The following CCNF variants were observed in gnomAD, a reference collection of about 807,000 sequenced individuals.
CCNF encodes cyclin F, also known as cyclin-F.
CCNF carries 30 observed loss-of-function variants against 85.4 expected under a neutral mutation model. The ratio of observed to expected loss-of-function variants is 0.35; its 90% CI spans 0.26 to 0.48. CCNF has a LOEUF of 0.48. CCNF is among the 20% of genes least tolerant of loss of function. The probability of loss-of-function intolerance (pLI) is 0.99; values close to 1 mark genes in which losing one functional copy is unlikely to be tolerated. For missense variants in CCNF, 919 were observed against 1,010.4 expected, an observed-to-expected ratio of 0.91 and a Z score of 1.23; for synonymous variants, 439 against 425.1, an observed-to-expected ratio of 1.03 and a Z score of -0.40.
chr16:2,432,893 G>C, intron 2 of CCNF, 68 bp from the exon 3 acceptor site: 2 of 906,662 alleles, frequency 2.2e-6, no homozygotes, highest in Non-Finnish European at 3.5e-6. Flanking sequence ...TCGTCCTCAA[G>C]AGCCTCCAGG....
Position 2,457,743 on chromosome 16 carries a change from C to T in CCNF, c.*723C>T, listed in dbSNP as rs998014429. 1.3e-5 allele frequency: 2 copies of T among 152,204 alleles called. No homozygotes were observed. Among genetic ancestry groups the T allele is most frequent in the Non-Finnish European group, 2.9e-5 (2 of 68,038 alleles). 9.4% of individuals were successfully genotyped at this position (152,204 alleles called of 1,614,324 possible). On this transcript the variant is annotated 3_prime_UTR_variant, in exon 17 of 17. Coordinates refer to ENST00000397066, the MANE Select transcript of CCNF (RefSeq NM_001761.3). ...TTTTCCTGTCTTATTTCTAAATTTC[C>T]TTCTTCCAAGATGAAAACAAAAGAA...
chr16:2,453,024 T>G lies in CCNF; in HGVS notation c.1488-186T>G, dbSNP rs1340311016. 9.8e-6 allele frequency: 6 copies of G among 610,024 alleles called. No individual in the cohort carries two copies. The African/African-American group carries it at 1.1e-4, about 11-fold the overall frequency. The allele number at this position is 610,024 out of a possible 1,614,324, so 37.8% of individuals were successfully genotyped here. On this transcript the variant is annotated intron_variant, in intron 13 of 16. Transcript: ENST00000397066. This position sits in a 1 kb window ranked among gnomAD's most constrained non-coding sequence, Gnocchi z 5.6. ...TGTGGACATAGTTTTTCCTTTTTCC[T>G]GGGTCTTTACCTAGAGAGGAATTGC... is the stretch of plus-strand genomic sequence containing the variant.
At chr16:2,455,319 G>A in intron 15 of CCNF, 76 bp from the exon 16 acceptor site, 1 of 1,469,462 alleles carries the variant, frequency 6.8e-7, no homozygotes, top group South Asian at 1.5e-5. Context: ...GCGGGTGTTA[G>A]AGGCAGGTGT....
In CCNF at chr16:2,451,560, T is replaced by C. The variant is rs2141828803; in HGVS notation, c.1487+1645T>C. Reference sequence around the variant, plus strand: ...GCCAAATCCAGCAGACTCAGCGGTGTGGGCTTTTTTTTCCTTTTTTGAGTT... The same window carrying C: ...GCCAAATCCAGCAGACTCAGCGGTGCGGGCTTTTTTTTCCTTTTTTGAGTT... On this transcript the variant is annotated intron_variant, in intron 13 of 16. Transcript: ENST00000397066. This position sits in a 1 kb window ranked among gnomAD's most constrained non-coding sequence, Gnocchi z 4.3. Among the ~76,000 whole-genome samples, 1 of 152,272 alleles carries C rather than the reference T, an allele frequency of 6.6e-6. No homozygotes were observed. Among genetic ancestry groups the C allele is most frequent in the East Asian group, 1.9e-4 (1 of 5,176 alleles).
At chr16:2,441,874 C>G (rs2065322782) in intron 8 of CCNF, among the ~76,000 whole-genome samples, 1 of 142,158 alleles carries the variant, frequency 7.0e-6, no homozygotes. Flanking sequence ...AATGTTCAAC[C>G]TTACTACTAG....
rs1221346188 is a variant in CCNF, at chr16:2,439,575, C to G, written c.699+118C>G. ...AGGTGGCTCTTGCTGCTCCCGGTCTCTCAGCCTCCGGGAACCACTGGTCAG... is the reference window on the plus strand; with the variant it reads ...AGGTGGCTCTTGCTGCTCCCGGTCTGTCAGCCTCCGGGAACCACTGGTCAG... On this transcript the variant is annotated intron_variant, in intron 7 of 16. Coordinates refer to ENST00000397066, the MANE Select transcript of CCNF (RefSeq NM_001761.3). 5.4e-6 allele frequency: 5 copies of G among 925,132 alleles called. No individual in the cohort carries two copies. In the East Asian group the frequency reaches 1.3e-4, roughly 24 times the overall value. 57.3% of individuals were successfully genotyped at this position (925,132 alleles called of 1,614,324 possible).
At chr16:2,455,311 G>T in intron 15 of CCNF, 84 bp from the exon 16 acceptor site, 1 of 1,455,974 alleles carries the variant, frequency 6.9e-7, no homozygotes, top group Non-Finnish European at 9.1e-7. Context: ...TGGGGCACGC[G>T]GGTGTTAGAG....
At position 2,456,865 on chromosome 16, in the gene CCNF, A is replaced by C; in HGVS notation, c.2206A>C (p.Thr736Pro). Residue 736 changes from threonine to proline, a missense_variant, in exon 17 of 17, where the codon ACA becomes CCA. By Grantham distance (38) the Thr-to-Pro change is conservative. Around this residue, in one of 3 missense-constraint regions of CCNF, gnomAD observed 505 missense variants for 514.8 expected, o/e 0.98. Coordinates refer to ENST00000397066, the MANE Select transcript of CCNF (RefSeq NM_001761.3). The surrounding 1 kb of genome is among the most constrained non-coding windows in gnomAD (Gnocchi z 4.5). ...SVLSLDSDSH[T>P]QPCHHQARKS... Reference sequence around the variant, plus strand: ...GCTGTCCCTGGACAGTGACTCGCACACACAGCCCTGCCACCATCAGGCCAG... The same window carrying C: ...GCTGTCCCTGGACAGTGACTCGCACCCACAGCCCTGCCACCATCAGGCCAG... 5 of 1,614,098 alleles carry C rather than the reference A, an allele frequency of 3.1e-6. No homozygotes were observed. Among genetic ancestry groups the C allele is most frequent in the Non-Finnish European group, 4.2e-6 (5 of 1,180,038 alleles).
chr16:2,431,679 CAAAAA>C (rs553578806), intron 2 of CCNF, among the ~76,000 whole-genome samples: 1 of 72,954 alleles, frequency 1.4e-5, no homozygotes, highest in Non-Finnish European at 2.6e-5. Flanking sequence ...GACTCTGTCT[CAAAAA>C]AAAAAAAAAA....
Position 2,437,306 on chromosome 16 carries a change from A to C in CCNF, c.524A>C (p.Glu175Ala), listed in dbSNP as rs908880888. The C allele has an allele frequency of 3.8e-6, 6 of 1,594,222 alleles. No individual in the cohort carries two copies. In the Admixed American group the frequency reaches 5.1e-5, roughly 13 times the overall value. ...GTGGTTCACGAGAGCCTCAGGGCAGAGTGCCAGCTGCAGAGGGTGAGTCTG... is the reference window on the plus strand; with the variant it reads ...GTGGTTCACGAGAGCCTCAGGGCAGCGTGCCAGCTGCAGAGGGTGAGTCTG... ...KAVVHESLRA[E>A]CQLQRTHKAS... Residue 175 changes from glutamate (E) to alanine (A), a missense_variant, in exon 5 of 17, where the codon GAG becomes GCG. By Grantham distance (107) the Glu-to-Ala change is moderately radical (BLOSUM62 -1). This residue lies in a region of CCNF where 410 missense variants were observed against 478.6 expected (regional missense o/e 0.86). Transcript: ENST00000397066.
intron 10 of CCNF, among the ~76,000 whole-genome samples, chr16:2,448,115 G>A (rs931544527): frequency 7.2e-5 from 11 of 152,190 alleles, no homozygotes; most frequent in East Asian, 1.9e-4. Context: ...GGATTCCTGC[G>A]GCCACACAGT....
chr16:2,436,017 C>T (rs1413902068), intron 4 of CCNF, 144 bp downstream of exon 4: 4 of 559,264 alleles, frequency 7.2e-6, no homozygotes, highest in South Asian at 4.9e-5. Context: ...CTCAGGAGCT[C>T]GTGCCCAGAT....
intron 8 of CCNF, among the ~76,000 whole-genome samples, chr16:2,440,361 G>A (rs1002388417): frequency 4.6e-5 from 7 of 152,202 alleles, no homozygotes; most frequent in African/African-American, 1.7e-4. Context: ...GCTCACGCCT[G>A]AAATCCCAGC....
rs549639368 is a variant in CCNF at position 2,451,553 on chromosome 16, A to G, written c.1487+1638A>G. 2.0e-4 allele frequency among the ~76,000 whole-genome samples: 31 copies of G among 152,252 alleles called. No individual in the cohort carries two copies. The South Asian group carries it at 5.6e-3, about 27-fold the overall frequency. ...TTCCTCAGCCAAATCCAGCAGACTC[A>G]GCGGTGTGGGCTTTTTTTTCCTTTT... On this transcript the variant is annotated intron_variant, in intron 13 of 16. Transcript: ENST00000397066. This position sits in a 1 kb window ranked among gnomAD's most constrained non-coding sequence, Gnocchi z 4.3.
intron 16 of CCNF, 34 bp downstream of exon 16, chr16:2,455,598 A>T (rs753161623): frequency 6.4e-7 from 1 of 1,570,462 alleles, no homozygotes; most frequent in Non-Finnish European, 8.7e-7. Flanking sequence ...CAGAAGGGAC[A>T]TCACACAGAG....
At chr16:2,438,642 GAA>G (rs932243743) in intron 6 of CCNF, among the ~76,000 whole-genome samples, 2 of 114,188 alleles carry the variant, frequency 1.8e-5, no homozygotes, top group African/African-American at 3.3e-5. Context: ...CTCAGTCTCA[GAA>G]AAAAAAAAAA....
At chr16:2,431,000 T>TTG (rs1383230237) in intron 1 of CCNF, 130 bp from the exon 2 acceptor site, 3 of 974,706 alleles carry the variant, frequency 3.1e-6, no homozygotes, top group Non-Finnish European at 5.0e-6. Flanking sequence ...GTTCCATCTT[T>TTG]TGTGGCACAG....
At chr16:2,431,045 C>T (rs765574299) in intron 1 of CCNF, 85 bp from the exon 2 acceptor site, 31 of 1,388,282 alleles carry the variant, frequency 2.2e-5, no homozygotes, top group Non-Finnish European at 3.0e-5. Context: ...TCAGATGTAA[C>T]TTTTATCCTT....
Position 2,457,257 on chromosome 16 carries a change from T to G in CCNF, c.*237T>G. On this transcript the variant is annotated 3_prime_UTR_variant, in exon 17 of 17. Transcript: ENST00000397066. ...TTGGAAAGTTTAGCCTGGAAGCAGTTGGCCACACTGTGTGGAGGGCACCTC... is the reference window on the plus strand; with the variant it reads ...TTGGAAAGTTTAGCCTGGAAGCAGTGGGCCACACTGTGTGGAGGGCACCTC... 2.1e-6 allele frequency: 1 copy of G among 473,994 alleles called. No individual in the cohort carries two copies. The highest frequency in any genetic ancestry group is 3.1e-5 in the South Asian group (1 of 32,388). The allele number at this position is 473,994 out of a possible 1,614,324, so 29.4% of individuals were successfully genotyped here.
Sources: allele counts gnomAD v4.1 joint callset (sites outside exome capture counted in the v4.1 genomes callset), GRCh38; gene constraint gnomAD v4.1.1; regional missense constraint gnomAD v4.1.1; non-coding constraint Gnocchi (gnomAD v3.1); transcripts MANE v1.5; gene names NCBI Gene and HGNC (gene_info 2026-07-23, HGNC 2026-07-21).